USP14: variants seen among roughly 807,000 people sequenced by gnomAD.
USP14 encodes ubiquitin carboxyl-terminal hydrolase 14.
Under a neutral mutation model 76.5 loss-of-function variants are expected in USP14, and 38 were observed. That is an observed-to-expected ratio of 0.50 (90% CI 0.38 to 0.65). The LOEUF is 0.65. Ranked by LOEUF, USP14 falls within the 30% of genes least tolerant of loss-of-function variation. USP14 has a pLI of 0.00. For missense variants in USP14, 467 were observed against 586.5 expected, an observed-to-expected ratio of 0.80 and a Z score of 2.10; for synonymous variants, 192 against 191.7, an observed-to-expected ratio of 1.00 and a Z score of -0.01.
At chr18:199,925 C>T (rs570041526) in intron 10 of USP14, among the ~76,000 whole-genome samples, 8 of 152,232 alleles carry the variant, frequency 5.3e-5, no homozygotes, top group South Asian at 2.1e-4. Flanking sequence ...ACATAATTAC[C>T]GTGACTAACA....
At chr18:176,893 A>C (rs1909642419) in intron 3 of USP14, among the ~76,000 whole-genome samples, 1 of 151,464 alleles carries the variant, frequency 6.6e-6, no homozygotes, top group African/African-American at 2.4e-5. Flanking sequence ...TTTCCTAATA[A>C]TTTTTTAAGG....
intron 10 of USP14, among the ~76,000 whole-genome samples, chr18:201,082 T>TGAG (rs1246601707): frequency 6.6e-6 from 1 of 152,230 alleles, no homozygotes; most frequent in Non-Finnish European, 1.5e-5. Context: ...ATTATAGGAA[T>TGAG]GAGCCACCGT....
intron 3 of USP14, among the ~76,000 whole-genome samples, chr18:175,551 A>T (rs1391366206): frequency 6.6e-6 from 1 of 152,188 alleles, no homozygotes; most frequent in African/African-American, 2.4e-5. Context: ...ATTAAACAGA[A>T]CTTATATTCT....
At position 213,658 on chromosome 18, in the gene USP14, A is replaced by AATC. The variant is rs1910743389; in HGVS notation, c.*2375_*2377dup. ...TTAGGCCTAAGAGTGTTTACCGAAT[A>AATC]ATCTGCACTCACTCAGTAGCCCTTC... On this transcript the variant is annotated 3_prime_UTR_variant, in exon 16 of 16. Coordinates refer to ENST00000261601, the MANE Select transcript of USP14 (RefSeq NM_005151.4). 1 of 152,608 alleles carries AATC rather than the reference A, an allele frequency of 6.6e-6. No individual in the cohort carries two copies. The highest frequency in any genetic ancestry group is 1.5e-5 in the Non-Finnish European group (1 of 68,046). The allele number at this position is 152,608 out of a possible 1,614,324, so 9.5% of individuals were successfully genotyped here.
chr18:197,944 G>T, intron 8 of USP14, 103 bp from the exon 9 acceptor site: 5 of 968,870 alleles, frequency 5.2e-6, no homozygotes, highest in Non-Finnish European at 7.4e-6. Flanking sequence ...TACTGTAAGG[G>T]ACTACATTTT....
At position 163,328 on chromosome 18, in the gene USP14, G is replaced by A; in HGVS notation, c.37G>A (p.Glu13Lys). ...LYSVTVKWGK[E>K]KFEGVELNTD... ...TGCAGTTACTGTAAAATGGGGAAAG[G>A]AGAAATTTGAAGGTGTAGAATTGAA... Residue 13 changes from glutamate (E) to lysine (K), a missense_variant, in exon 2 of 16, where the codon GAG (glutamate) becomes AAG (lysine). Physicochemically the swap from Glu to Lys is moderately conservative, Grantham distance 56. Transcript: ENST00000261601. The A allele has an allele frequency of 6.2e-7, 1 of 1,609,308 alleles. No individual in the cohort carries two copies. The highest frequency in any genetic ancestry group is 8.5e-7 in the Non-Finnish European group (1 of 1,178,352).
rs1280043655 is a variant in USP14, at chr18:167,952, T to C, written c.195+1133T>C. ...TTTCTCTCTTTTTTTTTTTTTTTTT[T>C]TTGAGACAGAGTCTCACTCTTATTG... On this transcript the variant is annotated intron_variant, in intron 3 of 15. Coordinates refer to ENST00000261601, the MANE Select transcript of USP14 (RefSeq NM_005151.4). Among the ~76,000 whole-genome samples the C allele has an allele frequency of 2.7e-5, 4 of 150,676 alleles. No individual in the cohort carries two copies. The East Asian group carries it at 7.8e-4, about 29-fold the overall frequency.
intron 6 of USP14, among the ~76,000 whole-genome samples, chr18:196,118 C>T (rs927627806): frequency 4.6e-5 from 7 of 151,722 alleles, no homozygotes; most frequent in Admixed American, 2.0e-4. Context: ...GTCAGGAGTT[C>T]GAGACCAGCC....
chr18:158,883 G>T lies in USP14; in HGVS notation c.16+169G>T, dbSNP rs1257702139. 38 of 1,115,436 alleles carry T rather than the reference G, an allele frequency of 3.4e-5. No homozygotes were observed. The East Asian group carries it at 1.2e-3, about 37-fold the overall frequency. The allele number at this position is 1,115,436 out of a possible 1,614,324, so 69.1% of individuals were successfully genotyped here. A position where few individuals can be genotyped will look rare whatever the true frequency, so the allele number is the denominator to read the frequency against. On this transcript the variant is annotated intron_variant, in intron 1 of 15. Coordinates refer to ENST00000261601, the MANE Select transcript of USP14 (RefSeq NM_005151.4). The stretch of plus-strand genomic sequence containing the variant: ...AGGCACCGTCCCCTCTCCCGGCTGG[G>T]TCGGAGCCCTGCGTGGCAGGGGAGC...
chr18:174,095 T>C (rs903741391), intron 3 of USP14, among the ~76,000 whole-genome samples: 16 of 152,188 alleles, frequency 1.1e-4, no homozygotes, highest in African/African-American at 3.9e-4. Flanking sequence ...TCCATAAGAG[T>C]CTGCTGGGAT....
intron 3 of USP14, among the ~76,000 whole-genome samples, chr18:168,079 C>T (rs563745226): frequency 5.3e-5 from 8 of 151,766 alleles, no homozygotes; most frequent in African/African-American, 1.9e-4. Context: ...GCGCCCACCA[C>T]CACGCCCAGC....
At chr18:174,609 CTTTT>C (rs112640574) in intron 3 of USP14, among the ~76,000 whole-genome samples, 3 of 134,756 alleles carry the variant, frequency 2.2e-5, no homozygotes, top group Admixed American at 7.4e-5. Context: ...ACTTTTCTTT[CTTTT>C]TTTTTTTTTT....
intron 1 of USP14, 62 bp downstream of exon 1, chr18:158,776 C>A: frequency 7.4e-7 from 1 of 1,347,972 alleles, no homozygotes; most frequent in Non-Finnish European, 9.5e-7. Context: ...CCGCGTAGGC[C>A]TGGCCTGCAC....
intron 2 of USP14, among the ~76,000 whole-genome samples, chr18:165,939 AT>A (rs779083484): frequency 2.4e-4 from 37 of 152,332 alleles, no homozygotes; most frequent in Non-Finnish European, 4.4e-4. Context: ...AATCGACTTT[AT>A]CCTATGAGGG....
At chr18:174,613 T>C (rs571640307) in intron 3 of USP14, among the ~76,000 whole-genome samples, 71 of 150,262 alleles carry the variant, frequency 4.7e-4, no homozygotes, top group Admixed American at 1.7e-3. Flanking sequence ...TTCTTTCTTT[T>C]TTTTTTTTTT....
chr18:205,753 C>A (rs1002004978), intron 13 of USP14, among the ~76,000 whole-genome samples: 1 of 152,168 alleles, frequency 6.6e-6, no homozygotes, highest in Admixed American at 6.5e-5. Context: ...AGCACTCCAA[C>A]CTGTATAACA....
chr18:175,326 T>C (rs1363174838), intron 3 of USP14, among the ~76,000 whole-genome samples: 1 of 152,194 alleles, frequency 6.6e-6, no homozygotes, highest in Non-Finnish European at 1.5e-5. Flanking sequence ...TGGTTGATAG[T>C]GGACATCATT....
At position 163,337 on chromosome 18, in the gene USP14, G is replaced by T; in HGVS notation, c.46G>T (p.Glu16Ter). 2 of 1,610,412 alleles carry T rather than the reference G, an allele frequency of 1.2e-6. No homozygotes were observed. Among genetic ancestry groups the T allele is most frequent in the South Asian group, 1.1e-5 (1 of 89,908 alleles). ...VTVKWGKEKFEGVELNTDEPP... is the reference protein window; with the variant it reads ...VTVKWGKEKF Reference sequence around the variant, plus strand: ...TGTAAAATGGGGAAAGGAGAAATTTGAAGGTGTAGAATTGAATACAGATGA... The same window carrying T: ...TGTAAAATGGGGAAAGGAGAAATTTTAAGGTGTAGAATTGAATACAGATGA... Residue 16 changes from glutamate to a stop codon, truncating the protein, a stop_gained, in exon 2 of 16, where the codon GAA (glutamate) becomes TAA (stop). Coordinates refer to ENST00000261601, the MANE Select transcript of USP14 (RefSeq NM_005151.4). LOFTEE classifies it high-confidence loss of function.
chr18:185,583 A>G (rs993342533), intron 5 of USP14, among the ~76,000 whole-genome samples: 4 of 152,178 alleles, frequency 2.6e-5, no homozygotes, highest in African/African-American at 7.2e-5. Context: ...ACAGCTGTCT[A>G]GGGGATATGT....
Sources: gnomAD v4.1 joint callset for allele counts (sites outside exome capture counted in the v4.1 genomes callset) on GRCh38, gnomAD v4.1.1 for gene constraint, MANE v1.5 for transcripts, NCBI Gene and HGNC (gene_info 2026-07-23, HGNC 2026-07-21) for gene names.